Variants in USP14 observed in about 807,000 individuals in gnomAD.
USP14 encodes ubiquitin specific peptidase 14, also known as ubiquitin carboxyl-terminal hydrolase 14.
USP14 carries 38 observed loss-of-function variants against 76.5 expected under a neutral mutation model. That is an observed-to-expected ratio of 0.50 (90% CI 0.38 to 0.65). The LOEUF (loss-of-function observed/expected upper bound fraction) is 0.65. USP14 is among the 30% of genes least tolerant of loss of function. The probability of loss-of-function intolerance (pLI) is 0.00; values close to 1 mark genes in which losing one functional copy is unlikely to be tolerated. For missense variants in USP14, 467 were observed against 586.5 expected (o/e 0.80, Z 2.10); for synonymous variants, 192 against 191.7 (o/e 1.00, Z -0.01).
chr18:170,422 G>A (rs1328485849), intron 3 of USP14, among the ~76,000 whole-genome samples: 3 of 152,196 alleles, frequency 2.0e-5, no homozygotes, highest in Non-Finnish European at 4.4e-5. Flanking sequence ...ATTAAGCTTA[G>A]TAAAGAAGGC....
At chr18:162,151 A>C (rs1374981388) in intron 1 of USP14, among the ~76,000 whole-genome samples, 2 of 152,226 alleles carry the variant, frequency 1.3e-5, no homozygotes, top group South Asian at 4.1e-4. Context: ...GTTGATGGAC[A>C]CTTGAGTTGC....
chr18:163,108 G>A (rs1909169404), intron 1 of USP14, 200 bp from the exon 2 acceptor site: 1 of 431,650 alleles, frequency 2.3e-6, no homozygotes, highest in Non-Finnish European at 4.0e-6. Context: ...ACTATGAAAT[G>A]AGAAGTTAGG....
rs867838082 is a variant in USP14, at chr18:197,716, G to A, written c.675+20G>A. ...AAAGAGGTAATTGAAATATATTTGT[G>A]ATTATAGACTTTCGTTATACCTTGA... On this transcript the variant is annotated intron_variant, in intron 8 of 15. Coordinates refer to ENST00000261601, the MANE Select transcript of USP14 (RefSeq NM_005151.4). 46 of 1,578,364 alleles carry A rather than the reference G, an allele frequency of 2.9e-5. No individual in the cohort carries two copies. The Middle Eastern group carries it at 2.0e-3, about 70-fold the overall frequency.
At chr18:209,438 C>G (rs1910613444) in intron 13 of USP14, among the ~76,000 whole-genome samples, 1 of 152,150 alleles carries the variant, frequency 6.6e-6, no homozygotes, top group Non-Finnish European at 1.5e-5. Flanking sequence ...GCAGTGAGTT[C>G]CTCCTAAGAG....
At chr18:190,968 CA>C (rs1000019764) in intron 5 of USP14, among the ~76,000 whole-genome samples, 14 of 150,664 alleles carry the variant, frequency 9.3e-5, no homozygotes, top group East Asian at 7.8e-4. Context: ...TCCTTAGTTA[CA>C]AAAAAAAGGT....
intron 3 of USP14, among the ~76,000 whole-genome samples, chr18:168,764 A>G (rs908042466): frequency 1.3e-4 from 20 of 151,012 alleles, no homozygotes; most frequent in Non-Finnish European, 8.8e-5. Context: ...GACTTCTAAT[A>G]CAGTGTTAAT....
At position 189,887 on chromosome 18, in the gene USP14, G is replaced by T. The variant is rs183523612; in HGVS notation, c.405-2955G>T. ...ACACATCCATATACCCAAAATAAAG[G>T]CAGAACCCTTCTAGCACTCTAAAAA... On this transcript the variant is annotated intron_variant, in intron 5 of 15. Transcript: ENST00000261601. Among the ~76,000 whole-genome samples the T allele has an allele frequency of 7.5e-3, 1,138 of 152,224 alleles. 21 individuals carry two copies. Among genetic ancestry groups the T allele is most frequent in the Non-Finnish European group, 6.8e-3 (460 of 68,010 alleles).
chr18:196,836 C>A, intron 7 of USP14, 69 bp downstream of exon 7: 7 of 1,563,728 alleles, frequency 4.5e-6, no homozygotes, highest in African/African-American at 1.4e-5. Context: ...ACCGTACTTA[C>A]TGGAACATAG....
intron 5 of USP14, among the ~76,000 whole-genome samples, chr18:185,088 C>T (rs1490928007): frequency 6.6e-6 from 1 of 152,162 alleles, no homozygotes; most frequent in Non-Finnish European, 1.5e-5. Context: ...GACTGGCAAG[C>T]CCCAGCTCTC....
At chr18:184,087 G>T (rs1207615287) in intron 5 of USP14, among the ~76,000 whole-genome samples, 1 of 152,030 alleles carries the variant, frequency 6.6e-6, no homozygotes, top group Non-Finnish European at 1.5e-5. Context: ...ATCCTATGTG[G>T]TTCTATTTTC....
In USP14 at chr18:214,518, A is replaced by G. The variant is rs1254292162; in HGVS notation, c.*3234A>G. 1.2e-6 allele frequency: 1 copy of G among 822,206 alleles called. No homozygotes were observed. The highest frequency in any genetic ancestry group is 1.9e-6 in the Non-Finnish European group (1 of 537,798). 50.9% of individuals were successfully genotyped at this position (822,206 alleles called of 1,614,324 possible). On this transcript the variant is annotated 3_prime_UTR_variant, in exon 16 of 16. Coordinates refer to ENST00000261601, the MANE Select transcript of USP14 (RefSeq NM_005151.4). ...TCAGAGCACCAGCCGACTGTACAAC[A>G]ATTGTTATAAAAATGTTTATTGTTT...
chr18:173,434 G>A (rs771342011), intron 3 of USP14, among the ~76,000 whole-genome samples: 28 of 141,804 alleles, frequency 2.0e-4, no homozygotes, highest in Middle Eastern at 0.011. Context: ...TTTTTGAGAC[G>A]GAGTTCCGTT....
At chr18:204,077 C>T (rs865936150) in intron 12 of USP14, among the ~76,000 whole-genome samples, 3 of 151,680 alleles carry the variant, frequency 2.0e-5, no homozygotes, top group African/African-American at 7.3e-5. Context: ...GTATACTTAG[C>T]GTTGTATGAG....
intron 1 of USP14, among the ~76,000 whole-genome samples, chr18:162,028 C>A (rs1333314606): frequency 6.6e-6 from 1 of 152,190 alleles, no homozygotes; most frequent in Non-Finnish European, 1.5e-5. Flanking sequence ...CTTTAGGTAT[C>A]TCATATAACC....
Position 192,824 on chromosome 18 carries a change from C to G in USP14, c.405-18C>G, listed in dbSNP as rs778054390. On this transcript the variant is annotated intron_variant, in intron 5 of 15. Transcript: ENST00000261601. ...ATGAATTGAATTCTATTGTTTAACT[C>G]GGCTTTAATGTTCCTAGGTATGCAG... is the stretch of plus-strand genomic sequence containing the variant. 1 of 1,612,476 alleles carries G rather than the reference C, an allele frequency of 6.2e-7. No individual in the cohort carries two copies. The highest frequency in any genetic ancestry group is 8.5e-7 in the Non-Finnish European group (1 of 1,179,136).
At chr18:199,174 G>A in intron 9 of USP14, 28 bp from the exon 10 acceptor site, 8 of 1,416,078 alleles carry the variant, frequency 5.6e-6, no homozygotes, top group Non-Finnish European at 8.0e-6. Context: ...AATACCCGTT[G>A]GCATATTCCT....
chr18:163,259 ATCTTG>A (rs1909173747), intron 1 of USP14, 44 bp from the exon 2 acceptor site: 1 of 1,527,428 alleles, frequency 6.5e-7, no homozygotes, highest in Admixed American at 2.0e-5. Flanking sequence ...GGGTCTGTAA[ATCTTG>A]TCTTGTTATT....
chr18:192,947 A>G (rs1028292046), intron 6 of USP14, 47 bp downstream of exon 6: 25 of 1,513,186 alleles, frequency 1.7e-5, no homozygotes, highest in East Asian at 1.6e-4. Flanking sequence ...AAGACATTCT[A>G]TTTTTCGCTC....
In USP14 at chr18:199,211, T is replaced by C; in HGVS notation, c.771T>C (p.Cys257=). The C allele has an allele frequency of 1.2e-6, 2 of 1,612,086 alleles. No homozygotes were observed. The highest frequency in any genetic ancestry group is 1.7e-6 in the Non-Finnish European group (2 of 1,178,194). Residue 257 remains cysteine (C), a synonymous_variant, in exon 10 of 16, where the codon TGT becomes TGC. Coordinates refer to ENST00000261601, the MANE Select transcript of USP14 (RefSeq NM_005151.4). ...FGVEFETTMK[C]TESEEEEVTK... is the part of the protein sequence containing the mutation. ...ATCTTAGTTTACAAAGCATGAAATG[T>C]ACAGAATCTGAAGAAGAAGAAGTCA... is the stretch of plus-strand genomic sequence containing the variant.
Sources: gnomAD v4.1 joint callset for allele counts (sites outside exome capture counted in the v4.1 genomes callset) on GRCh38, gnomAD v4.1.1 for gene constraint, MANE v1.5 for transcripts, NCBI Gene and HGNC (gene_info 2026-07-23, HGNC 2026-07-21) for gene names.